TRAPPC8: variants seen among roughly 807,000 people sequenced by gnomAD.
The protein encoded by TRAPPC8 is trafficking protein particle complex subunit 8, also known as general sporulation gene 1 homolog.
In TRAPPC8, 54 loss-of-function variants were observed where a neutral mutation model predicts 174.3. The ratio of observed to expected loss-of-function variants is 0.31; its 90% CI spans 0.25 to 0.39. TRAPPC8 has a LOEUF of 0.39. TRAPPC8 is among the 10% of genes least tolerant of loss of function. The pLI, the probability that TRAPPC8 is intolerant of heterozygous loss-of-function variation, is 1.00. For synonymous variants in TRAPPC8, 630 were observed against 579.9 expected (o/e 1.09, Z -1.24); for missense variants, 1,531 against 1,699.1 (o/e 0.90, Z 1.74).
At chr18:31,833,697 G>C (rs2032517059) in intron 27 of TRAPPC8, among the ~76,000 whole-genome samples, 1 of 152,130 alleles carries the variant, frequency 6.6e-6, no homozygotes. Flanking sequence ...TAGGTCTGGA[G>C]TGTGGCCCAA....
intron 27 of TRAPPC8, among the ~76,000 whole-genome samples, chr18:31,836,255 A>G (rs1034277672): frequency 2.0e-5 from 3 of 152,212 alleles, no homozygotes. Flanking sequence ...GCCAAGGAGA[A>G]AACTGCCACA....
chr18:31,885,785 G>A (rs545153994), intron 12 of TRAPPC8, among the ~76,000 whole-genome samples: 39 of 151,722 alleles, frequency 2.6e-4, no homozygotes, highest in African/African-American at 9.4e-4. Flanking sequence ...GCTTGAACCT[G>A]GGAGGCGGAG....
At chr18:31,930,752 T>G (rs1433203067) in intron 2 of TRAPPC8, among the ~76,000 whole-genome samples, 2 of 151,704 alleles carry the variant, frequency 1.3e-5, no homozygotes, top group Non-Finnish European at 2.9e-5. Flanking sequence ...GGGAACATAA[T>G]GAGACTCCCT....
intron 1 of TRAPPC8, among the ~76,000 whole-genome samples, chr18:31,935,767 G>A (rs981992721): frequency 4.0e-5 from 6 of 149,266 alleles, no homozygotes; most frequent in Admixed American, 2.7e-4. Context: ...ACAGAGTCTC[G>A]CTCCGTCACC....
At chr18:31,913,624 A>C (rs950157742) in intron 4 of TRAPPC8, 102 bp from the exon 5 acceptor site, 3 of 893,508 alleles carry the variant, frequency 3.4e-6, no homozygotes, top group Non-Finnish European at 3.1e-6. Context: ...ATAATCCCCC[A>C]AAAAGGCATA....
intron 21 of TRAPPC8, 64 bp from the exon 22 acceptor site, chr18:31,854,009 A>C (rs1007784600): frequency 1.5e-6 from 2 of 1,296,718 alleles, no homozygotes; most frequent in South Asian, 1.3e-5. Context: ...TGTTCCGATG[A>C]GAATAAAATT....
chr18:31,897,025 C>T (rs2036212040), intron 11 of TRAPPC8, among the ~76,000 whole-genome samples: 2 of 152,096 alleles, frequency 1.3e-5, no homozygotes, highest in South Asian at 2.1e-4. Context: ...TGGCTGTGAA[C>T]AAGATCATCC....
At chr18:31,907,735 T>C (rs925661115) in intron 8 of TRAPPC8, 125 bp from the exon 9 acceptor site, 5 of 766,202 alleles carry the variant, frequency 6.5e-6, no homozygotes, top group Non-Finnish European at 9.3e-6. Context: ...TTCAAAGAAA[T>C]TCTACCTCCA....
At chr18:31,855,868 C>G (rs1355587191) in intron 20 of TRAPPC8, 61 bp from the exon 21 acceptor site, 1 of 1,513,418 alleles carries the variant, frequency 6.6e-7, no homozygotes, top group African/African-American at 1.5e-5. Context: ...TTATAATTAT[C>G]TAATTCCAAA....
At chr18:31,909,482 A>G (rs1482955495) in intron 6 of TRAPPC8, 185 bp downstream of exon 6, 3 of 907,134 alleles carry the variant, frequency 3.3e-6, no homozygotes, top group African/African-American at 1.8e-5. Context: ...ATATAAAACA[A>G]ATTTTTAAGT....
intron 12 of TRAPPC8, among the ~76,000 whole-genome samples, chr18:31,881,767 A>G (rs915748660): frequency 2.6e-5 from 4 of 152,208 alleles, no homozygotes; most frequent in African/African-American, 9.6e-5. Context: ...AATATCCAGA[A>G]TCTAAAAGTA....
chr18:31,888,506 A>G (rs934337110), intron 12 of TRAPPC8, among the ~76,000 whole-genome samples: 6 of 152,236 alleles, frequency 3.9e-5, no homozygotes, highest in African/African-American at 1.4e-4. Flanking sequence ...GAGACATGGA[A>G]TCAACCCAAA....
Position 31,830,741 on chromosome 18 carries a change from A to G in TRAPPC8, c.*14T>C, listed in dbSNP as rs370471599. The G allele has an allele frequency of 2.5e-6, 4 of 1,605,070 alleles. No individual in the cohort carries two copies. The African/African-American group carries it at 5.4e-5, about 21-fold the overall frequency. On this transcript the variant is annotated 3_prime_UTR_variant, in exon 29 of 29. Coordinates refer to ENST00000283351, the MANE Select transcript of TRAPPC8 (RefSeq NM_014939.5). ...AACTGATTATTGTGGATTTCAGTAC[A>G]AATTTCCAAGTTGTCACACATTACT...
chr18:31,832,699 G>T (rs553067025), intron 27 of TRAPPC8: 1 of 152,206 alleles, frequency 6.6e-6, no homozygotes, highest in South Asian at 2.1e-4. Flanking sequence ...TTTTGCTCAG[G>T]TAGCCTAGTT....
chr18:31,898,208 ATTG>A lies in TRAPPC8; in HGVS notation c.1491-320_1491-318del, dbSNP rs757396972. Among the ~76,000 whole-genome samples the A allele has an allele frequency of 3.9e-5, 6 of 152,120 alleles. No individual in the cohort carries two copies. The South Asian group carries it at 6.2e-4, about 16-fold the overall frequency. On this transcript the variant is annotated intron_variant, in intron 10 of 28. Coordinates refer to ENST00000283351, the MANE Select transcript of TRAPPC8 (RefSeq NM_014939.5). ...TTTTATTTGTATTTTAAATTTTTGT[ATTG>A]TTATTATTTATTGTTGGTTTTTTCC...
At chr18:31,837,653 G>A (rs1238368939) in intron 27 of TRAPPC8, among the ~76,000 whole-genome samples, 2 of 151,534 alleles carry the variant, frequency 1.3e-5, no homozygotes, top group East Asian at 1.9e-4. Context: ...AGCCAAGATC[G>A]TATCACTGCA....
chr18:31,853,761 T>C (rs1352534327), intron 22 of TRAPPC8, 88 bp downstream of exon 22: 2 of 939,256 alleles, frequency 2.1e-6, no homozygotes, highest in Non-Finnish European at 3.1e-6. Context: ...AAGTTAATCC[T>C]AATAATCTTA....
intron 1 of TRAPPC8, among the ~76,000 whole-genome samples, chr18:31,936,902 TAAAAA>T (rs376783471): frequency 4.9e-4 from 45 of 92,520 alleles, no homozygotes; most frequent in Middle Eastern, 0.013. Context: ...ACTCCGTCTT[TAAAAA>T]AAAAAAAAAA....
intron 12 of TRAPPC8, among the ~76,000 whole-genome samples, chr18:31,887,408 G>GC (rs1246347959): frequency 6.6e-6 from 1 of 152,188 alleles, no homozygotes; most frequent in Non-Finnish European, 1.5e-5. Context: ...CACTTGGGAG[G>GC]CCAAGGCGGA....
Sources: gnomAD v4.1 joint callset for allele counts (sites outside exome capture counted in the v4.1 genomes callset) on GRCh38, gnomAD v4.1.1 for gene constraint, MANE v1.5 for transcripts, NCBI Gene and HGNC (gene_info 2026-07-23, HGNC 2026-07-21) for gene names.